Variants in NRG1 observed in about 807,000 individuals in gnomAD.
The protein encoded by NRG1 is neuregulin 1.
In NRG1, 18 loss-of-function variants were observed where a neutral mutation model predicts 63.8. The observed-to-expected ratio is 0.28, with a 90% CI of 0.19 to 0.42. NRG1 has a LOEUF of 0.42. Ranked by LOEUF, NRG1 falls within the 10% of genes least tolerant of loss-of-function variation. The pLI is 1.00. For synonymous variants in NRG1, 302 were observed against 301.3 expected (o/e 1.00, Z -0.02); for missense variants, 762 against 814.7 (o/e 0.94, Z 0.79).
chr8:31,723,592 G>C (rs563085634), intron 1 of NRG1, among the ~76,000 whole-genome samples: 54 of 152,050 alleles, frequency 3.6e-4, no homozygotes, highest in African/African-American at 1.2e-3. Context: ...TGAGTAACTG[G>C]GACTATAGAT....
intron 5 of NRG1, among the ~76,000 whole-genome samples, chr8:32,698,463 C>T (rs1212086738): frequency 1.3e-5 from 2 of 152,122 alleles, no homozygotes; most frequent in Admixed American, 6.5e-5. Context: ...CACATTTCAG[C>T]GAGGGCGTTT....
intron 5 of NRG1, among the ~76,000 whole-genome samples, chr8:32,704,925 C>T (rs4445183): frequency 0.3 from 45,672 of 151,934 alleles, 7,476 homozygotes; most frequent in South Asian, 0.4. Context: ...GCCTGTCATT[C>T]GAGATTTGTG....
At chr8:32,207,250 CT>C (rs945067945) in intron 1 of NRG1, among the ~76,000 whole-genome samples, 167 of 150,524 alleles carry the variant, frequency 1.1e-3, no homozygotes, top group African/African-American at 3.6e-3. Flanking sequence ...ATACTATTAT[CT>C]TTTTTTTTAA....
At chr8:32,662,417 G>C (rs1017777631) in intron 5 of NRG1, among the ~76,000 whole-genome samples, 1 of 152,198 alleles carries the variant, frequency 6.6e-6, no homozygotes, top group Non-Finnish European at 1.5e-5. Flanking sequence ...GGCCTGATCA[G>C]GGAAGCATGC....
intron 1 of NRG1, among the ~76,000 whole-genome samples, chr8:31,965,155 A>G (rs1356050268): frequency 3.3e-5 from 5 of 151,930 alleles, no homozygotes; most frequent in African/African-American, 1.2e-4. Flanking sequence ...TATATACTAC[A>G]TTTTCTTTAT....
chr8:32,654,941 T>A (rs1406812087), intron 5 of NRG1, among the ~76,000 whole-genome samples: 3 of 152,188 alleles, frequency 2.0e-5, no homozygotes, highest in Admixed American at 6.5e-5. Context: ...TAGACTTGAC[T>A]TTCAATCCTA....
exon 8 of NRG1, chr8:32,754,420 G>T: frequency 1.2e-6 from 2 of 1,613,922 alleles, no homozygotes; most frequent in South Asian, 2.2e-5. Context: ...ACCGGCATCT[G>T]CATCGCCCTC....
At chr8:32,325,527 G>A (rs766835570) in intron 1 of NRG1, among the ~76,000 whole-genome samples, 1 of 152,116 alleles carries the variant, frequency 6.6e-6, no homozygotes. Context: ...CTATAGGCAT[G>A]TGCTGCTATG....
chr8:31,949,834 TG>T lies in NRG1; in HGVS notation c.37+310406del, dbSNP rs553242326. ...GTATCCCAAACGTAGTTCTTACAAA[TG>T]GGAACTCTTGTTTTCCATCTGCAAA... On this transcript the variant is annotated intron_variant, in intron 1 of 10. Transcript: ENST00000519301. Among the ~76,000 whole-genome samples, 66 of 152,294 alleles carry T rather than the reference TG, an allele frequency of 4.3e-4. 1 individual carries two copies. The East Asian group carries it at 0.012, about 29-fold the overall frequency.
chr8:31,755,612 A>G (rs1490023307), intron 1 of NRG1, among the ~76,000 whole-genome samples: 1 of 152,072 alleles, frequency 6.6e-6, no homozygotes. Context: ...GGGTTAATGA[A>G]TCCTTGCTCT....
chr8:31,784,223 G>A (rs1311057074), intron 1 of NRG1, among the ~76,000 whole-genome samples: 1 of 152,076 alleles, frequency 6.6e-6, no homozygotes, highest in Non-Finnish European at 1.5e-5. Flanking sequence ...AGAAAACACA[G>A]GTTTTCATAA....
At chr8:32,346,846 T>C (rs924767475) in intron 1 of NRG1, among the ~76,000 whole-genome samples, 1 of 152,008 alleles carries the variant, frequency 6.6e-6, no homozygotes, top group African/African-American at 2.4e-5. Context: ...TTTTTTTTTT[T>C]TGAGATGGAG....
intron 1 of NRG1, among the ~76,000 whole-genome samples, chr8:32,244,731 GA>G (rs1387181048): frequency 6.6e-6 from 1 of 152,148 alleles, no homozygotes; most frequent in Non-Finnish European, 1.5e-5. Context: ...CAGGGTCTAA[GA>G]AATAGTCTCT....
intron 1 of NRG1, among the ~76,000 whole-genome samples, chr8:32,470,331 C>T (rs1823675908): frequency 6.6e-6 from 1 of 151,942 alleles, no homozygotes; most frequent in Admixed American, 6.6e-5. Context: ...CAGGCGCCCG[C>T]CACCACACCC....
chr8:31,919,189 G>A (rs1299905929), intron 1 of NRG1, among the ~76,000 whole-genome samples: 2 of 151,654 alleles, frequency 1.3e-5, no homozygotes, highest in South Asian at 2.1e-4. Context: ...AGGGTTTTTT[G>A]TGTCTCTATT....
At chr8:32,694,335 T>C (rs977481791) in intron 5 of NRG1, among the ~76,000 whole-genome samples, 1 of 152,220 alleles carries the variant, frequency 6.6e-6, no homozygotes, top group African/African-American at 2.4e-5. Flanking sequence ...CATAGATAAG[T>C]GTTCCAATTT....
At chr8:32,626,951 C>T (rs528838186) in intron 5 of NRG1, among the ~76,000 whole-genome samples, 9 of 151,326 alleles carry the variant, frequency 5.9e-5, no homozygotes, top group African/African-American at 1.7e-4. Flanking sequence ...AACCTGGGAG[C>T]GGAGGTTGCA....
At chr8:32,568,836 A>G (rs1837961891) in intron 1 of NRG1, among the ~76,000 whole-genome samples, 1 of 152,228 alleles carries the variant, frequency 6.6e-6, no homozygotes, top group Admixed American at 6.5e-5. Context: ...AAATGTGTCA[A>G]AACAAATTTT....
chr8:32,675,440 A>G (rs1554629097), intron 5 of NRG1, among the ~76,000 whole-genome samples: 1 of 152,210 alleles, frequency 6.6e-6, no homozygotes, highest in Non-Finnish European at 1.5e-5. Flanking sequence ...CTGACTTTTC[A>G]TTAAGACTTT....
Sources: allele counts gnomAD v4.1 joint callset (sites outside exome capture counted in the v4.1 genomes callset), GRCh38; gene constraint gnomAD v4.1.1; transcripts MANE v1.5; gene names NCBI Gene and HGNC (gene_info 2026-07-23, HGNC 2026-07-21).